The following LAMC1 variants were observed in gnomAD, a reference collection of about 807,000 sequenced individuals.
The protein encoded by LAMC1 is laminin subunit gamma-1.
In LAMC1, 38 loss-of-function variants were observed where a neutral mutation model predicts 173.6. That is an observed-to-expected ratio of 0.22 (90% CI 0.17 to 0.29). The LOEUF (loss-of-function observed/expected upper bound fraction) is 0.29, where lower values mean the gene tolerates loss of function less well. LAMC1 is among the 10% of genes least tolerant of loss of function. The pLI is 1.00. For missense variants in LAMC1, 1,824 were observed against 2,051.8 expected, an observed-to-expected ratio of 0.89 and a Z score of 2.14; for synonymous variants, 746 against 749.1, an observed-to-expected ratio of 1.00 and a Z score of 0.07.
At chr1:183,124,945 C>T in intron 14 of LAMC1, 69 bp downstream of exon 14, 1 of 1,559,100 alleles carries the variant, frequency 6.4e-7, no homozygotes, top group East Asian at 2.3e-5. Flanking sequence ...TTGTGTGTCT[C>T]TTAAAATATG....
chr1:183,134,880 T>C, intron 23 of LAMC1, 71 bp downstream of exon 23: 3 of 1,482,054 alleles, frequency 2.0e-6, no homozygotes, highest in East Asian at 4.5e-5. Flanking sequence ...TCTGTGATGA[T>C]GCCGTACTTT....
chr1:183,126,529 T>C (rs1282332556), intron 16 of LAMC1, among the ~76,000 whole-genome samples: 1 of 152,262 alleles, frequency 6.6e-6, no homozygotes, highest in Non-Finnish European at 1.5e-5. Context: ...CAAGGAAGTC[T>C]TCCTTTGATT....
rs1375169289 is a variant in LAMC1 at position 183,105,248 on chromosome 1, AAAG to A, written c.723+1619_723+1621del. Among the ~76,000 whole-genome samples the A allele has an allele frequency of 2.1e-3, 103 of 49,716 alleles. 2 individuals carry two copies. Among genetic ancestry groups the A allele is most frequent in the South Asian group, 0.013 (16 of 1,228 alleles). 32.6% of individuals were successfully genotyped at this position (49,716 alleles called of 152,430 possible). On this transcript the variant is annotated intron_variant, in intron 2 of 27. Transcript: ENST00000258341. ...TCAAAAAAAAAAAAAAAAAAAAAAG[AAAG>A]AAAGAAAAGAAAAGAAAAAGCAGAA...
At chr1:183,055,092 G>A (rs944371411) in intron 1 of LAMC1, among the ~76,000 whole-genome samples, 5 of 151,282 alleles carry the variant, frequency 3.3e-5, no homozygotes, top group African/African-American at 9.7e-5. Flanking sequence ...GGGTTCAAGC[G>A]ATTCTCCTGC....
At position 183,133,474 on chromosome 1, in the gene LAMC1, A is replaced by G. The variant is rs372846462; in HGVS notation, c.3773A>G (p.Lys1258Arg). 21 of 1,614,032 alleles carry G rather than the reference A, an allele frequency of 1.3e-5. No homozygotes were observed. In the African/African-American group the frequency reaches 2.3e-4, roughly 17 times the overall value. The change falls in exon 22 of 28, where the codon AAA becomes AGA. Residue 1258 changes from lysine to arginine, a missense_variant. Transcript: ENST00000258341. ...GCTGCCCGAGTACATGAGGAGGCCA[A>G]AAGGGCCGGTGACAAAGCTGTGGAG... ...KQAARVHEEA[K>R]RAGDKAVEIY...
intron 1 of LAMC1, among the ~76,000 whole-genome samples, chr1:183,070,498 T>G (rs1255615377): frequency 6.6e-6 from 1 of 152,194 alleles, no homozygotes. Context: ...GTCTGTGTGT[T>G]CTTCCTTTGT....
At chr1:183,043,105 C>T (rs1367912960) in intron 1 of LAMC1, among the ~76,000 whole-genome samples, 3 of 151,842 alleles carry the variant, frequency 2.0e-5, no homozygotes, top group African/African-American at 4.8e-5. Context: ...TTCTTCATTG[C>T]GAGTTCATTG....
chr1:183,045,333 C>T (rs906909577), intron 1 of LAMC1, among the ~76,000 whole-genome samples: 4 of 151,850 alleles, frequency 2.6e-5, no homozygotes, highest in African/African-American at 7.3e-5. Context: ...TCCAATTTTC[C>T]TCACCCCAGG....
At chr1:183,063,858 G>C (rs976352560) in intron 1 of LAMC1, among the ~76,000 whole-genome samples, 7 of 152,008 alleles carry the variant, frequency 4.6e-5, no homozygotes, top group Middle Eastern at 3.2e-3. Flanking sequence ...TTTTATTTTT[G>C]TAATACCTTG....
intron 2 of LAMC1, among the ~76,000 whole-genome samples, chr1:183,107,054 C>G (rs962362391): frequency 2.0e-5 from 3 of 152,154 alleles, no homozygotes; most frequent in Admixed American, 1.3e-4. Flanking sequence ...AAAATTAGCT[C>G]AGTGTAAGGG....
chr1:183,033,695 CTT>C lies in LAMC1; in HGVS notation c.418+9564_418+9565del, dbSNP rs536603518. On this transcript the variant is annotated intron_variant, in intron 1 of 27. Coordinates refer to ENST00000258341, the MANE Select transcript of LAMC1 (RefSeq NM_002293.4). ...GAATCATGTGGCTTTCTTGGAGAAA[CTT>C]TTATTTTTTTTTGAGACAGAGTCTC... 2.6e-5 allele frequency among the ~76,000 whole-genome samples: 4 copies of C among 151,994 alleles called. No homozygotes were observed. In the South Asian group the frequency reaches 8.3e-4, roughly 32 times the overall value.
chr1:183,115,481 G>T, intron 5 of LAMC1, 39 bp from the exon 6 acceptor site: 2 of 1,376,542 alleles, frequency 1.5e-6, no homozygotes, highest in Non-Finnish European at 1.0e-6. Context: ...TACGTATCTG[G>T]CCGAATTTTT....
At chr1:183,036,116 T>A (rs1470329373) in intron 1 of LAMC1, among the ~76,000 whole-genome samples, 2 of 122,316 alleles carry the variant, frequency 1.6e-5, no homozygotes, top group African/African-American at 6.5e-5. Flanking sequence ...TTTTTTTTTT[T>A]AAGACAGCGT....
intron 13 of LAMC1, among the ~76,000 whole-genome samples, chr1:183,122,479 A>C (rs1176158637): frequency 6.6e-6 from 1 of 152,080 alleles, no homozygotes; most frequent in Non-Finnish European, 1.5e-5. Context: ...ACCTTGATCT[A>C]CCGTCTCCCC....
At chr1:183,139,629 A>G (rs1257230109) in intron 26 of LAMC1, among the ~76,000 whole-genome samples, 2 of 152,188 alleles carry the variant, frequency 1.3e-5, no homozygotes, top group East Asian at 3.8e-4. Context: ...GTCCTTACTC[A>G]AAACTAGGAA....
intron 1 of LAMC1, among the ~76,000 whole-genome samples, chr1:183,053,947 G>A (rs1264378729): frequency 6.6e-6 from 1 of 152,178 alleles, no homozygotes; most frequent in East Asian, 1.9e-4. Context: ...TTATTATTGG[G>A]AAAAAGTGTT....
intron 1 of LAMC1, among the ~76,000 whole-genome samples, chr1:183,061,087 G>A (rs1353858837): frequency 6.6e-6 from 1 of 152,088 alleles, no homozygotes; most frequent in East Asian, 1.9e-4. Flanking sequence ...GTTAATGAGG[G>A]ATAGGACTAG....
At chr1:183,082,090 A>G (rs756712462) in intron 1 of LAMC1, among the ~76,000 whole-genome samples, 5 of 152,202 alleles carry the variant, frequency 3.3e-5, no homozygotes, top group Non-Finnish European at 5.9e-5. Context: ...TTATCACTGG[A>G]TAATATTCCA....
intron 1 of LAMC1, among the ~76,000 whole-genome samples, chr1:183,052,537 T>A (rs1654458775): frequency 1.3e-5 from 2 of 152,190 alleles, no homozygotes; most frequent in Non-Finnish European, 2.9e-5. Flanking sequence ...TTTCACCATG[T>A]TGGCCAGGCT....
Sources: gnomAD v4.1 joint callset for allele counts (sites outside exome capture counted in the v4.1 genomes callset) on GRCh38, gnomAD v4.1.1 for gene constraint, MANE v1.5 for transcripts, NCBI Gene and HGNC (gene_info 2026-07-23, HGNC 2026-07-21) for gene names.